PCDHA12: variants seen among roughly 807,000 people sequenced by gnomAD.
PCDHA12 encodes protocadherin alpha-12.
Under a neutral mutation model 60.0 loss-of-function variants are expected in PCDHA12, and 44 were observed. That is an observed-to-expected ratio of 0.73 (90% CI 0.58 to 0.94). PCDHA12 has a LOEUF of 0.94. PCDHA12 is among the 40% of genes least tolerant of loss of function. The pLI, the probability that PCDHA12 is intolerant of heterozygous loss-of-function variation, is 0.00. For synonymous variants in PCDHA12, 569 were observed against 553.0 expected, an observed-to-expected ratio of 1.03 and a Z score of -0.40; for missense variants, 1,276 against 1,239.7, an observed-to-expected ratio of 1.03 and a Z score of -0.44.
At chr5:140,884,175 C>T in intron 1 of PCDHA12, 1 of 1,613,438 alleles carries the variant, frequency 6.2e-7, no homozygotes, top group Non-Finnish European at 8.5e-7. Context: ...ACGACGCGCC[C>T]TCTGGACGAG....
chr5:140,982,583 C>T lies in PCDHA12; in HGVS notation c.2515+20C>T, dbSNP rs1251252617. ...CACCAGGTAAAGAGCTGGGGTCTCT[C>T]CATTCTTTCTTGGTTTCTGGAAAGT... is the stretch of plus-strand genomic sequence containing the variant. On this transcript the variant is annotated intron_variant, in intron 3 of 3. Coordinates refer to ENST00000398631, the MANE Select transcript of PCDHA12 (RefSeq NM_018903.4). The T allele has an allele frequency of 1.2e-6, 2 of 1,612,084 alleles. No homozygotes were observed. The highest frequency in any genetic ancestry group is 4.5e-5 in the East Asian group (2 of 44,856).
intron 1 of PCDHA12, among the ~76,000 whole-genome samples, chr5:140,931,398 T>C: frequency 6.6e-6 from 1 of 152,112 alleles, no homozygotes; most frequent in African/African-American, 2.4e-5. Context: ...AAGTAAGCGA[T>C]AGGAAGGCTG....
intron 3 of PCDHA12, among the ~76,000 whole-genome samples, chr5:140,994,308 C>T (rs1402344988): frequency 6.6e-6 from 1 of 152,086 alleles, no homozygotes; most frequent in African/African-American, 2.4e-5. Flanking sequence ...TTTCACAGGG[C>T]CCAAACACTC....
intron 1 of PCDHA12, chr5:140,883,536 T>C (rs1178559999): frequency 8.7e-6 from 14 of 1,614,202 alleles, no homozygotes; most frequent in Non-Finnish European, 1.2e-5. Flanking sequence ...GCCTATGAAC[T>C]GGTGGTGACC....
At chr5:141,003,936 C>T (rs934368361) in intron 3 of PCDHA12, among the ~76,000 whole-genome samples, 41 of 152,122 alleles carry the variant, frequency 2.7e-4, no homozygotes, top group African/African-American at 9.9e-4. Context: ...TTGTCTTTGC[C>T]TGAGGGTGAG....
At chr5:140,893,593 T>C (rs1433494751) in intron 1 of PCDHA12, among the ~76,000 whole-genome samples, 5 of 152,244 alleles carry the variant, frequency 3.3e-5, no homozygotes, top group African/African-American at 1.2e-4. Context: ...TGGGAAATAC[T>C]TTATTTCTCC....
chr5:140,982,649 G>T, intron 3 of PCDHA12, 86 bp downstream of exon 3: 2 of 1,504,320 alleles, frequency 1.3e-6, no homozygotes, highest in South Asian at 1.3e-5. Context: ...AATGTTGATG[G>T]CTCTTTTTCT....
chr5:140,876,457 T>C lies in PCDHA12; in HGVS notation c.985T>C (p.Ser329Pro). ...QVNAIDKGIP[S>P]MAGHSMVLVE... ...TAACGCCATTGATAAAGGGATTCCT[T>C]CCATGGCAGGTCACAGCATGGTCCT... is the stretch of plus-strand genomic sequence containing the variant. The change falls in exon 1 of 4, where the codon TCC becomes CCC. Residue 329 changes from serine to proline, a missense_variant. Coordinates refer to ENST00000398631, the MANE Select transcript of PCDHA12 (RefSeq NM_018903.4). 6.2e-7 allele frequency: 1 copy of C among 1,614,008 alleles called. No homozygotes were observed. Among genetic ancestry groups the C allele is most frequent in the Non-Finnish European group, 8.5e-7 (1 of 1,179,902 alleles).
At chr5:140,882,899 T>C (rs956861597) in intron 1 of PCDHA12, 1 of 1,614,228 alleles carries the variant, frequency 6.2e-7, no homozygotes. Context: ...ACATAGTTTA[T>C]TACTGACAGC....
chr5:140,917,260 G>A (rs2077984179), intron 1 of PCDHA12, among the ~76,000 whole-genome samples: 2 of 143,736 alleles, frequency 1.4e-5, no homozygotes, highest in South Asian at 4.4e-4. Flanking sequence ...CTCACCTGAT[G>A]TTTGGTTTTT....
At chr5:140,947,209 A>C (rs1462777257) in intron 1 of PCDHA12, among the ~76,000 whole-genome samples, 2 of 151,580 alleles carry the variant, frequency 1.3e-5, no homozygotes, top group Non-Finnish European at 3.0e-5. Flanking sequence ...AAAAAAAGAA[A>C]ATCCTGTCAT....
At chr5:141,009,169 C>T (rs782079623) in intron 3 of PCDHA12, among the ~76,000 whole-genome samples, 13 of 152,186 alleles carry the variant, frequency 8.5e-5, no homozygotes, top group Non-Finnish European at 1.3e-4. Flanking sequence ...TAAATACTGG[C>T]CTTGGCTGGG....
At chr5:140,962,405 C>A (rs2095680586) in intron 1 of PCDHA12, among the ~76,000 whole-genome samples, 1 of 152,200 alleles carries the variant, frequency 6.6e-6, no homozygotes, top group South Asian at 2.1e-4. Context: ...TGCCCCAAAC[C>A]TGTCTCTCCC....
chr5:140,991,033 TACTTA>T (rs567583919), intron 3 of PCDHA12, among the ~76,000 whole-genome samples: 53 of 152,330 alleles, frequency 3.5e-4, no homozygotes, highest in African/African-American at 1.3e-3. Context: ...ATATGTTGCA[TACTTA>T]ACTTTGAGAG....
At chr5:140,922,891 G>GA (rs1554201035) in intron 1 of PCDHA12, among the ~76,000 whole-genome samples, 2 of 152,160 alleles carry the variant, frequency 1.3e-5, no homozygotes, top group Non-Finnish European at 2.9e-5. Context: ...CATCATTCAA[G>GA]AAAAAATTTT....
chr5:140,879,836 G>A, intron 1 of PCDHA12, among the ~76,000 whole-genome samples: 1 of 152,186 alleles, frequency 6.6e-6, no homozygotes, highest in Non-Finnish European at 1.5e-5. Flanking sequence ...GCTTGTGGCT[G>A]TACCACTCCC....
intron 1 of PCDHA12, among the ~76,000 whole-genome samples, chr5:140,972,097 T>C (rs1554233843): frequency 1.3e-5 from 2 of 152,196 alleles, no homozygotes; most frequent in South Asian, 2.1e-4. Context: ...ATTTCTGGCA[T>C]AGAAGCAGGT....
At chr5:140,929,331 C>G in intron 1 of PCDHA12, 1 of 1,534,960 alleles carries the variant, frequency 6.5e-7, no homozygotes, top group Non-Finnish European at 8.8e-7. Context: ...CCATGGTAAG[C>G]AAATTTTATG....
chr5:140,932,002 T>G (rs1305093438), intron 1 of PCDHA12, among the ~76,000 whole-genome samples: 1 of 151,956 alleles, frequency 6.6e-6, no homozygotes, highest in East Asian at 1.9e-4. Flanking sequence ...CTAAGTTCTT[T>G]CATTTTAGTT....
Sources: allele counts gnomAD v4.1 joint callset (sites outside exome capture counted in the v4.1 genomes callset), GRCh38; gene constraint gnomAD v4.1.1; transcripts MANE v1.5; gene names NCBI Gene and HGNC (gene_info 2026-07-23, HGNC 2026-07-21).